The following PLCB1 variants were observed in gnomAD, a reference collection of about 807,000 sequenced individuals.
PLCB1 encodes the protein phospholipase C beta 1.
Under a neutral mutation model 161.8 loss-of-function variants are expected in PLCB1, and 46 were observed. The ratio of observed to expected loss-of-function variants is 0.28; its 90% CI spans 0.22 to 0.36. The LOEUF (loss-of-function observed/expected upper bound fraction) is 0.36. Ranked by LOEUF, PLCB1 falls within the 10% of genes least tolerant of loss-of-function variation. The pLI is 1.00. For missense variants in PLCB1, 1,016 were observed against 1,472.5 expected (o/e 0.69, Z 5.07); for synonymous variants, 517 against 503.7 (o/e 1.03, Z -0.35).
At chr20:8,804,788 G>A (rs747000133) in intron 31 of PLCB1, among the ~76,000 whole-genome samples, 5 of 151,970 alleles carry the variant, frequency 3.3e-5, no homozygotes, top group African/African-American at 1.2e-4. Flanking sequence ...TCAGAAGTTC[G>A]AGACCAGCCT....
At chr20:8,476,376 G>T (rs1173758920) in intron 3 of PLCB1, among the ~76,000 whole-genome samples, 1 of 152,180 alleles carries the variant, frequency 6.6e-6, no homozygotes, top group African/African-American at 2.4e-5. Context: ...ACACAGCAAA[G>T]CTGTTGATCA....
At chr20:8,799,354 C>T (rs951440983) in intron 31 of PLCB1, among the ~76,000 whole-genome samples, 8 of 152,202 alleles carry the variant, frequency 5.3e-5, no homozygotes, top group African/African-American at 1.2e-4. Flanking sequence ...ATCATATTGG[C>T]TTTCATCTGC....
chr20:8,204,219 G>A (rs1027780446), intron 2 of PLCB1, among the ~76,000 whole-genome samples: 1 of 152,116 alleles, frequency 6.6e-6, no homozygotes, highest in African/African-American at 2.4e-5. Flanking sequence ...GGAGCAGAGG[G>A]ATGGAAATAA....
intron 9 of PLCB1, among the ~76,000 whole-genome samples, chr20:8,677,752 C>G (rs1339342964): frequency 6.6e-6 from 1 of 152,072 alleles, no homozygotes; most frequent in Non-Finnish European, 1.5e-5. Context: ...AAAAAAAAAT[C>G]CAACCCAAAA....
intron 3 of PLCB1, among the ~76,000 whole-genome samples, chr20:8,433,176 A>T (rs1255401562): frequency 2.6e-5 from 4 of 152,222 alleles, no homozygotes; most frequent in African/African-American, 9.7e-5. Context: ...ATGTTAGTTG[A>T]TTAAGAGGAA....
At chr20:8,392,557 A>G (rs1987639820) in intron 3 of PLCB1, among the ~76,000 whole-genome samples, 1 of 152,160 alleles carries the variant, frequency 6.6e-6, no homozygotes, top group Non-Finnish European at 1.5e-5. Flanking sequence ...TGAAAGAGAC[A>G]AGCAGGATGA....
intron 2 of PLCB1, among the ~76,000 whole-genome samples, chr20:8,240,214 C>A (rs978162043): frequency 6.6e-6 from 1 of 151,580 alleles, no homozygotes; most frequent in African/African-American, 2.4e-5. Flanking sequence ...CTCAGTCTCC[C>A]AAACAACAAC....
rs139133519 is a variant in PLCB1, at chr20:8,764,792, G to A, written c.2711-347G>A. 5.4e-3 allele frequency among the ~76,000 whole-genome samples: 829 copies of A among 152,228 alleles called. 6 individuals are homozygous for A. The highest frequency in any genetic ancestry group is 0.019 in the African/African-American group (797 of 41,534). On this transcript the variant is annotated intron_variant, in intron 25 of 31. Coordinates refer to ENST00000338037, the MANE Select transcript of PLCB1 (RefSeq NM_015192.4). Reference sequence around the variant, plus strand: ...CCTTCTGAGACCACACCCTTGCTCAGCTCCTTCCCCAGCCCCGTCTGCTTT... The same window carrying A: ...CCTTCTGAGACCACACCCTTGCTCAACTCCTTCCCCAGCCCCGTCTGCTTT...
intron 9 of PLCB1, among the ~76,000 whole-genome samples, chr20:8,674,148 C>T (rs1990018442): frequency 6.6e-6 from 1 of 152,194 alleles, no homozygotes; most frequent in African/African-American, 2.4e-5. Context: ...AACTCACAAT[C>T]CCTGGATGAA....
chr20:8,391,350 G>T (rs893338588), intron 3 of PLCB1, among the ~76,000 whole-genome samples: 1 of 152,022 alleles, frequency 6.6e-6, no homozygotes, highest in Non-Finnish European at 1.5e-5. Context: ...AAGACTTACA[G>T]TTCTTATTTA....
chr20:8,557,020 T>TAA (rs139489262), intron 3 of PLCB1, among the ~76,000 whole-genome samples: 13 of 145,320 alleles, frequency 8.9e-5, no homozygotes, highest in African/African-American at 2.3e-4. Flanking sequence ...ATAAAATAAA[T>TAA]AAAAAAAATA....
chr20:8,616,319 C>T (rs1988039145), intron 3 of PLCB1, among the ~76,000 whole-genome samples: 1 of 152,082 alleles, frequency 6.6e-6, no homozygotes. Context: ...TGCTCTTCCT[C>T]CTACCACAAG....
At chr20:8,221,594 A>G (rs1979411318) in intron 2 of PLCB1, among the ~76,000 whole-genome samples, 1 of 152,166 alleles carries the variant, frequency 6.6e-6, no homozygotes. Context: ...TGAACACGTC[A>G]GATTCATCTC....
intron 10 of PLCB1, among the ~76,000 whole-genome samples, 177 bp downstream of exon 10, chr20:8,685,255 T>C (rs1990332359): frequency 6.6e-6 from 1 of 152,182 alleles, no homozygotes; most frequent in Non-Finnish European, 1.5e-5. Flanking sequence ...CATGTCCACA[T>C]GTGTATGAAG....
chr20:8,622,125 G>T (rs924908077), intron 3 of PLCB1, among the ~76,000 whole-genome samples: 1 of 151,908 alleles, frequency 6.6e-6, no homozygotes, highest in Non-Finnish European at 1.5e-5. Flanking sequence ...TTGGTGGCGC[G>T]TGCCTGTAGT....
At chr20:8,412,599 G>A (rs1362461473) in intron 3 of PLCB1, among the ~76,000 whole-genome samples, 1 of 152,130 alleles carries the variant, frequency 6.6e-6, no homozygotes, top group East Asian at 1.9e-4. Context: ...GAGGACACAG[G>A]TCCATTATTT....
intron 3 of PLCB1, among the ~76,000 whole-genome samples, chr20:8,592,487 G>A (rs1216120296): frequency 6.6e-6 from 1 of 152,150 alleles, no homozygotes; most frequent in African/African-American, 2.4e-5. Flanking sequence ...GGCATTTCTG[G>A]CCAGCATACG....
At chr20:8,329,320 CTTT>C (rs11477930) in intron 2 of PLCB1, among the ~76,000 whole-genome samples, 14 of 139,458 alleles carry the variant, frequency 1.0e-4, no homozygotes, top group African/African-American at 7.9e-5. Flanking sequence ...AAAATAAATA[CTTT>C]TTTTTTTTTT....
intron 2 of PLCB1, among the ~76,000 whole-genome samples, chr20:8,221,465 T>C (rs1979404234): frequency 6.6e-6 from 1 of 152,210 alleles, no homozygotes; most frequent in Non-Finnish European, 1.5e-5. Context: ...GAAAAAGTCC[T>C]TGAACCTTAC....
Sources: gnomAD v4.1 joint callset for allele counts (sites outside exome capture counted in the v4.1 genomes callset) on GRCh38, gnomAD v4.1.1 for gene constraint, MANE v1.5 for transcripts, NCBI Gene and HGNC (gene_info 2026-07-23, HGNC 2026-07-21) for gene names.